The following CEP55 variants were observed in gnomAD, a reference collection of about 807,000 sequenced individuals.
CEP55 encodes centrosomal protein of 55 kDa.
Under a neutral mutation model 63.2 loss-of-function variants are expected in CEP55, and 57 were observed. That is an observed-to-expected ratio of 0.90 (90% confidence interval 0.73 to 1.13). CEP55 has a LOEUF of 1.13. Among genes scored for constraint, CEP55 ranks in the 50% most tolerant of loss-of-function variants. The pLI, the probability that CEP55 is intolerant of heterozygous loss-of-function variation, is 0.00. For missense variants in CEP55, 456 were observed against 518.9 expected (o/e 0.88, Z 1.18); for synonymous variants, 178 against 191.6 (o/e 0.93, Z 0.59).
intron 3 of CEP55, among the ~76,000 whole-genome samples, chr10:93,504,704 T>G (rs774300540): frequency 8.5e-5 from 13 of 152,340 alleles, no homozygotes; most frequent in South Asian, 4.1e-4. Context: ...AACGTTACAG[T>G]CAGATTCAAA....
Position 93,517,029 on chromosome 10 carries a change from G to A in CEP55, c.774G>A (p.Leu258=). ...TTGAACGACAAACCATAACTCAGCT[G>A]AGTTTTGAACTGAGTGAATTTCGAA... ...LEVERQTITQ[L]SFELSEFRRK... is the part of the protein sequence containing the mutation. Residue 258 remains leucine, a synonymous_variant, in exon 6 of 9, where the codon CTG becomes CTA. Coordinates refer to ENST00000371485, the MANE Select transcript of CEP55 (RefSeq NM_018131.5). The A allele has an allele frequency of 6.2e-7, 1 of 1,613,406 alleles. No homozygotes were observed. Among genetic ancestry groups the A allele is most frequent in the Non-Finnish European group, 8.5e-7 (1 of 1,179,414 alleles).
chr10:93,498,135 C>G (rs2057592855), intron 1 of CEP55, among the ~76,000 whole-genome samples: 1 of 136,184 alleles, frequency 7.3e-6, no homozygotes. Context: ...TAACGCCCCG[C>G]CCCCGCCAAA....
rs892211531 is a variant in CEP55 at position 93,528,949 on chromosome 10, T to C, written c.*796T>C. 1 of 152,254 alleles carries C rather than the reference T, an allele frequency of 6.6e-6. No individual in the cohort carries two copies. The highest frequency in any genetic ancestry group is 2.4e-5 in the African/African-American group (1 of 41,466). 9.4% of individuals were successfully genotyped at this position (152,254 alleles called of 1,614,324 possible). ...GCATTCTTAAAGCTGGGCAATGTAA[T>C]GATCAGATCTTTGTTTGTCTGAACA... On this transcript the variant is annotated 3_prime_UTR_variant, in exon 9 of 9. Transcript: ENST00000371485.
intron 4 of CEP55, among the ~76,000 whole-genome samples, chr10:93,513,967 C>T (rs1450666645): frequency 3.5e-5 from 5 of 142,090 alleles, no homozygotes; most frequent in Non-Finnish European, 7.6e-5. Flanking sequence ...TTTTTTGAGA[C>T]GGGGTCTCAC....
At chr10:93,500,278 A>G (rs2057619884) in intron 2 of CEP55, 44 bp downstream of exon 2, 1 of 1,477,030 alleles carries the variant, frequency 6.8e-7, no homozygotes, top group South Asian at 1.2e-5. Flanking sequence ...TCTCCAAGAA[A>G]GCGATGCATG....
Position 93,519,771 on chromosome 10 carries a change from A to C in CEP55, c.1155A>C (p.Arg385=), listed in dbSNP as rs545121758. The part of the protein sequence containing the change: ...HQLHVILKEL[R]KARNQITQLE... ...TGCATGTAATTCTTAAGGAGCTCCG[A>C]AAAGCAAGAAATCAAATAACACAGT... Residue 385 remains arginine (R), a synonymous_variant, in exon 8 of 9, where the codon CGA becomes CGC. Coordinates refer to ENST00000371485, the MANE Select transcript of CEP55 (RefSeq NM_018131.5). The C allele has an allele frequency of 1.3e-5, 21 of 1,614,154 alleles. 1 individual carries two copies. In the South Asian group the frequency reaches 2.1e-4, roughly 16 times the overall value.
intron 8 of CEP55, among the ~76,000 whole-genome samples, chr10:93,526,228 A>C (rs1223360458): frequency 6.6e-6 from 1 of 152,254 alleles, no homozygotes; most frequent in African/African-American, 2.4e-5. Context: ...AAAGAACTTA[A>C]ACAAATTTAA....
chr10:93,504,165 T>C (rs1201646812), intron 3 of CEP55, among the ~76,000 whole-genome samples: 1 of 152,126 alleles, frequency 6.6e-6, no homozygotes, highest in Non-Finnish European at 1.5e-5. Context: ...GAGATTCGAA[T>C]AATACTAACA....
chr10:93,522,850 T>C (rs991009095), intron 8 of CEP55, among the ~76,000 whole-genome samples: 1 of 152,060 alleles, frequency 6.6e-6, no homozygotes, highest in Admixed American at 6.6e-5. Context: ...GCTTCATAAG[T>C]GAAGGAAAAA....
chr10:93,511,221 G>A (rs2057745037), intron 4 of CEP55, among the ~76,000 whole-genome samples: 2 of 152,074 alleles, frequency 1.3e-5, no homozygotes, highest in South Asian at 4.1e-4. Flanking sequence ...TTACAGGCGT[G>A]AGCCACCATG....
At chr10:93,522,794 A>T (rs1275667830) in intron 8 of CEP55, among the ~76,000 whole-genome samples, 1 of 152,202 alleles carries the variant, frequency 6.6e-6, no homozygotes, top group Non-Finnish European at 1.5e-5. Flanking sequence ...CAACATTCTT[A>T]AAGAAAAGAA....
At chr10:93,523,035 G>A (rs1237860959) in intron 8 of CEP55, among the ~76,000 whole-genome samples, 5 of 152,168 alleles carry the variant, frequency 3.3e-5, no homozygotes, top group South Asian at 4.1e-4. Flanking sequence ...ATCAAGTAAA[G>A]AGCAAAATAA....
chr10:93,524,146 C>T (rs2057894468), intron 8 of CEP55, among the ~76,000 whole-genome samples: 1 of 152,026 alleles, frequency 6.6e-6, no homozygotes, highest in African/African-American at 2.4e-5. Flanking sequence ...TCAATGAATC[C>T]AGGAGCTGGT....
intron 3 of CEP55, among the ~76,000 whole-genome samples, chr10:93,505,188 ATGTC>A (rs2057676275): frequency 6.6e-6 from 1 of 152,228 alleles, no homozygotes; most frequent in Non-Finnish European, 1.5e-5. Context: ...ATTAACTAGT[ATGTC>A]TGACTCCTAT....
intron 8 of CEP55, among the ~76,000 whole-genome samples, chr10:93,527,090 A>T (rs372429294): frequency 3.6e-5 from 1 of 27,798 alleles, no homozygotes; most frequent in Non-Finnish European, 2.9e-4. Context: ...AATTAAAAAA[A>T]AAAAAGAATT....
chr10:93,514,338 G>A (rs1277677975), intron 4 of CEP55, among the ~76,000 whole-genome samples: 1 of 152,204 alleles, frequency 6.6e-6, no homozygotes, highest in African/African-American at 2.4e-5. Context: ...ATACAAACAG[G>A]TGAGTGACGG....
At chr10:93,523,610 C>T (rs1051808941) in intron 8 of CEP55, among the ~76,000 whole-genome samples, 10 of 152,216 alleles carry the variant, frequency 6.6e-5, no homozygotes, top group Admixed American at 1.3e-4. Flanking sequence ...CTACAGAACT[C>T]TCCACCTCAA....
At position 93,503,196 on chromosome 10, in the gene CEP55, C is replaced by T. The variant is rs1324471492; in HGVS notation, c.267C>T (p.Asp89=). 3 of 1,613,830 alleles carry T rather than the reference C, an allele frequency of 1.9e-6. No individual in the cohort carries two copies. Among genetic ancestry groups the T allele is most frequent in the Non-Finnish European group, 2.5e-6 (3 of 1,179,896 alleles). The part of the protein sequence containing the change: ...EKDKEIQRLR[D]QLKARYSTTT... ...ACAAAGAAATACAGCGACTGAGAGA[C>T]CAACTGAAGGCCAGATATAGTACTA... The change falls in exon 3 of 9, where the codon GAC becomes GAT. Residue 89 remains aspartate, a synonymous_variant. Transcript: ENST00000371485.
At chr10:93,499,918 C>G (rs1424698382) in intron 1 of CEP55, 122 bp from the exon 2 acceptor site, 6 of 633,674 alleles carry the variant, frequency 9.5e-6, no homozygotes, top group Non-Finnish European at 1.3e-5. Flanking sequence ...CCATCTTTCT[C>G]CATACCCTGC....
Sources: gnomAD v4.1 joint callset for allele counts (sites outside exome capture counted in the v4.1 genomes callset) on GRCh38, gnomAD v4.1.1 for gene constraint, MANE v1.5 for transcripts, NCBI Gene and HGNC (gene_info 2026-07-23, HGNC 2026-07-21) for gene names.